Variants in GALNT13 observed in about 807,000 individuals in gnomAD.
GALNT13 encodes the protein polypeptide N-acetylgalactosaminyltransferase 13, also known as UDP-GalNAc:polypeptide N-acetylgalactosaminyltransferase 13.
Under a neutral mutation model 64.2 loss-of-function variants are expected in GALNT13, and 28 were observed. The ratio of observed to expected loss-of-function variants is 0.44; its 90% CI spans 0.32 to 0.60. The LOEUF is 0.60. Among genes scored for constraint, GALNT13 ranks in the 20% least tolerant of loss-of-function variants. The probability of loss-of-function intolerance (pLI) is 0.05; values close to 1 mark genes in which losing one functional copy is unlikely to be tolerated. For synonymous variants in GALNT13, 214 were observed against 224.6 expected (o/e 0.95, Z 0.42); for missense variants, 577 against 669.8 (o/e 0.86, Z 1.53).
the GALNT13 span, among the ~76,000 whole-genome samples, chr2:153,852,984 T>C: frequency 5.3e-5 from 8 of 152,256 alleles, no homozygotes; most frequent in African/African-American, 1.9e-4. Context: ...GAAGTCAGTG[T>C]GAGTCCCATA....
chr2:153,596,536 T>G, the GALNT13 span, among the ~76,000 whole-genome samples: 1 of 152,088 alleles, frequency 6.6e-6, no homozygotes, highest in Non-Finnish European at 1.5e-5. Flanking sequence ...TGGAAAGATT[T>G]AAGTGGAAAG....
chr2:153,418,141 G>C, the GALNT13 span, among the ~76,000 whole-genome samples: 1 of 152,180 alleles, frequency 6.6e-6, no homozygotes, highest in Admixed American at 6.5e-5. Flanking sequence ...TCATAAGAGG[G>C]AGGCAGGAGG....
chr2:153,108,454 C>A, the GALNT13 span, among the ~76,000 whole-genome samples: 2 of 152,040 alleles, frequency 1.3e-5, no homozygotes, highest in East Asian at 3.9e-4. Flanking sequence ...TAAACTATAC[C>A]CATTTCTCAA....
At chr2:153,958,125 C>T (rs1000467947) in intron 3 of GALNT13, among the ~76,000 whole-genome samples, 9 of 152,102 alleles carry the variant, frequency 5.9e-5, no homozygotes, top group African/African-American at 2.2e-4. Flanking sequence ...CTTTCTGGGG[C>T]AGCAAGGGGT....
At chr2:154,185,110 TA>T (rs2105740208) in intron 4 of GALNT13, among the ~76,000 whole-genome samples, 1 of 152,268 alleles carries the variant, frequency 6.6e-6, no homozygotes, top group East Asian at 1.9e-4. Context: ...TTGACAGCTT[TA>T]GTGGTTATCA....
At chr2:153,080,259 G>A in the GALNT13 span, among the ~76,000 whole-genome samples, 10 of 151,922 alleles carry the variant, frequency 6.6e-5, no homozygotes, top group African/African-American at 2.4e-4. Flanking sequence ...GTGGGTAATT[G>A]ATTTAAGCTG....
rs189497573 is a variant in GALNT13 at position 154,016,489 on chromosome 2, C to T, written c.142+71850C>T. Among the ~76,000 whole-genome samples, 357 of 152,298 alleles carry T rather than the reference C, an allele frequency of 2.3e-3. 1 individual carries two copies. The highest frequency in any genetic ancestry group is 4.0e-3 in the Non-Finnish European group (275 of 68,032). On this transcript the variant is annotated intron_variant, in intron 3 of 12. Transcript: ENST00000392825. ...CTGGAGTGCAGTGGTGCGATCTCAG[C>T]TCACTGCAACTTCCGCCTCCCTGGT...
chr2:153,843,999 G>C, the GALNT13 span, among the ~76,000 whole-genome samples: 1 of 152,282 alleles, frequency 6.6e-6, no homozygotes, highest in Non-Finnish European at 1.5e-5. Flanking sequence ...AGGTTGTTTA[G>C]TGCCTACAGC....
the GALNT13 span, among the ~76,000 whole-genome samples, chr2:153,723,400 G>C: frequency 6.7e-6 from 1 of 150,352 alleles, no homozygotes; most frequent in Admixed American, 6.6e-5. Context: ...GCACAAGACA[G>C]GGATGCCCTC....
intron 3 of GALNT13, among the ~76,000 whole-genome samples, chr2:154,103,033 C>T (rs926232834): frequency 2.0e-5 from 3 of 151,734 alleles, no homozygotes; most frequent in African/African-American, 7.3e-5. Flanking sequence ...CTCTGTCTTT[C>T]TTGTATATGA....
the GALNT13 span, among the ~76,000 whole-genome samples, chr2:153,347,833 A>G: frequency 6.6e-6 from 1 of 152,240 alleles, no homozygotes; most frequent in African/African-American, 2.4e-5. Flanking sequence ...AGTAATCATT[A>G]TGCTTTCAAT....
the GALNT13 span, among the ~76,000 whole-genome samples, chr2:153,366,988 T>G: frequency 7.2e-6 from 1 of 138,688 alleles, no homozygotes; most frequent in Non-Finnish European, 1.5e-5. Flanking sequence ...GAACATAAAA[T>G]AAAGACTTTC....
chr2:153,330,724 G>A, the GALNT13 span, among the ~76,000 whole-genome samples: 14 of 152,008 alleles, frequency 9.2e-5, no homozygotes, highest in Admixed American at 7.9e-4. Context: ...CATTCACAGC[G>A]AGAGATTGTT....
chr2:154,233,037 C>CAAAAAAAAAAAAAAAAAAAAA (rs375484057), intron 4 of GALNT13, among the ~76,000 whole-genome samples: 4 of 59,056 alleles, frequency 6.8e-5, no homozygotes, highest in Admixed American at 1.9e-4. Flanking sequence ...GACCCTGTCT[C>CAAAAAAAAAAAAAAAAAAAAA]AAAAAAAAAA....
At chr2:154,033,388 T>G (rs768504068) in intron 3 of GALNT13, among the ~76,000 whole-genome samples, 18 of 152,108 alleles carry the variant, frequency 1.2e-4, no homozygotes, top group Non-Finnish European at 2.1e-4. Context: ...AACCACAGAC[T>G]GGGAGAACAT....
the GALNT13 span, among the ~76,000 whole-genome samples, chr2:153,630,801 A>G: frequency 5.8e-5 from 1 of 17,246 alleles, no homozygotes; most frequent in African/African-American, 2.0e-4. Context: ...ATATATATAT[A>G]TATATATTTT....
intron 1 of GALNT13, among the ~76,000 whole-genome samples, chr2:153,886,421 A>G (rs1219990687): frequency 6.6e-6 from 1 of 151,660 alleles, no homozygotes; most frequent in East Asian, 1.9e-4. Context: ...GTCTAAGAAA[A>G]TGTGGCACAT....
At chr2:153,294,707 A>C in the GALNT13 span, among the ~76,000 whole-genome samples, 1 of 152,160 alleles carries the variant, frequency 6.6e-6, no homozygotes, top group Admixed American at 6.6e-5. Context: ...GATTGAATAG[A>C]TGTTCAATGA....
At chr2:153,542,067 C>A in the GALNT13 span, among the ~76,000 whole-genome samples, 1 of 152,052 alleles carries the variant, frequency 6.6e-6, no homozygotes, top group Non-Finnish European at 1.5e-5. Context: ...CCTGTAAACC[C>A]AGCATTTTGG....
Sources: allele counts gnomAD v4.1 joint callset (sites outside exome capture counted in the v4.1 genomes callset), GRCh38; gene constraint gnomAD v4.1.1; transcripts MANE v1.5; gene names NCBI Gene and HGNC (gene_info 2026-07-23, HGNC 2026-07-21).